The following HSD17B4 variants were observed in gnomAD, a reference collection of about 807,000 sequenced individuals.
HSD17B4 encodes hydroxysteroid 17-beta dehydrogenase 4.
A neutral mutation model predicts 101.0 loss-of-function variants in HSD17B4; 70 were observed. The ratio of observed to expected loss-of-function variants is 0.69; its 90% CI spans 0.57 to 0.85. The LOEUF (loss-of-function observed/expected upper bound fraction) is 0.85, where lower values mean the gene tolerates loss of function less well. Ranked by LOEUF, HSD17B4 falls within the 40% of genes least tolerant of loss-of-function variation. The probability of loss-of-function intolerance (pLI) is 0.00; values close to 1 mark genes in which losing one functional copy is unlikely to be tolerated. For missense variants in HSD17B4, 984 were observed against 892.4 expected (o/e 1.10, Z -1.31); for synonymous variants, 347 against 297.1 (o/e 1.17, Z -1.73).
In HSD17B4 at chr5:119,470,089, G is replaced by T. The variant is rs199672891; in HGVS notation, c.113-3819G>T. ...CTCTACTGCTAGATAGGTCATGGTTGCTTGAGGTGATAGATGCTGGCCAGG... is the reference window on the plus strand; with the variant it reads ...CTCTACTGCTAGATAGGTCATGGTTTCTTGAGGTGATAGATGCTGGCCAGG... On this transcript the variant is annotated intron_variant, in intron 2 of 23. Coordinates refer to ENST00000510025, the MANE Select transcript of HSD17B4 (RefSeq NM_000414.4). Among the ~76,000 whole-genome samples the T allele has an allele frequency of 2.0e-5, 3 of 152,196 alleles. No individual in the cohort carries two copies. In the East Asian group the frequency reaches 5.8e-4, roughly 29 times the overall value.
rs181355565 is a variant in HSD17B4, at chr5:119,523,392, T to C, written c.1504-1824T>C. ...GAAATGAAACGAAACAAGAAACTTT[T>C]AGCTTTCCTTCTGAAATATGCCATT... On this transcript the variant is annotated intron_variant, in intron 17 of 23. Coordinates refer to ENST00000510025, the MANE Select transcript of HSD17B4 (RefSeq NM_000414.4). Among the ~76,000 whole-genome samples the C allele has an allele frequency of 4.7e-4, 71 of 152,276 alleles. 1 individual carries two copies. The highest frequency in any genetic ancestry group is 1.6e-3 in the African/African-American group (65 of 41,578).
At chr5:119,461,300 C>T (rs780828337) in intron 2 of HSD17B4, among the ~76,000 whole-genome samples, 2 of 151,668 alleles carry the variant, frequency 1.3e-5, no homozygotes, top group Admixed American at 6.6e-5. Flanking sequence ...ACTAAATAGG[C>T]AAAACAATAA....
chr5:119,456,462 A>G, intron 2 of HSD17B4, 94 bp downstream of exon 2: 1 of 896,234 alleles, frequency 1.1e-6, no homozygotes, highest in Non-Finnish European at 1.9e-6. Flanking sequence ...TAATTTGTCA[A>G]GGTTGAATTT....
intron 2 of HSD17B4, among the ~76,000 whole-genome samples, chr5:119,468,079 G>T (rs569350905): frequency 1.3e-5 from 2 of 150,586 alleles, no homozygotes; most frequent in Admixed American, 1.3e-4. Context: ...ATTGTTTTCT[G>T]TTTTTTTTTG....
chr5:119,514,858 C>T (rs547881752), intron 16 of HSD17B4, 123 bp from the exon 17 acceptor site: 143 of 679,486 alleles, frequency 2.1e-4, no homozygotes, highest in Admixed American at 1.9e-3. Context: ...TTTTTTTAAA[C>T]CCTTTTATCC....
chr5:119,528,042 T>G lies in HSD17B4; in HGVS notation c.1767+823T>G, dbSNP rs1433902973. Among the ~76,000 whole-genome samples the G allele has an allele frequency of 1.2e-4, 18 of 152,196 alleles. 1 individual carries two copies. The highest frequency in any genetic ancestry group is 1.1e-3 in the Admixed American group (17 of 15,266). Reference sequence around the variant, plus strand: ...TCATTTCATGCTATATAGAGCATATTAAACAACTCCAATGATAATAGGAAC... The same window carrying G: ...TCATTTCATGCTATATAGAGCATATGAAACAACTCCAATGATAATAGGAAC... On this transcript the variant is annotated intron_variant, in intron 20 of 23. Coordinates refer to ENST00000510025, the MANE Select transcript of HSD17B4 (RefSeq NM_000414.4).
chr5:119,507,683 C>T (rs1487567650), intron 15 of HSD17B4, among the ~76,000 whole-genome samples: 1 of 151,208 alleles, frequency 6.6e-6, no homozygotes, highest in Non-Finnish European at 1.5e-5. Flanking sequence ...ACTTGGGAGG[C>T]TGAGGCAGGA....
Position 119,477,468 on chromosome 5 carries a change from C to T in HSD17B4, c.401C>T (p.Ala134Val), listed in dbSNP as rs766852679. The T allele has an allele frequency of 6.2e-7, 1 of 1,612,590 alleles. No individual in the cohort carries two copies. The highest frequency in any genetic ancestry group is 8.5e-7 in the Non-Finnish European group (1 of 1,178,832). Residue 134 changes from alanine to valine, a missense_variant, in exon 7 of 24, where the codon GCA becomes GTA. Physicochemically the swap from Ala to Val is moderately conservative, Grantham distance 64 (BLOSUM62 0). Coordinates refer to ENST00000510025, the MANE Select transcript of HSD17B4 (RefSeq NM_000414.4). ...GGTTCATTCCAAGTGACACGGGCAG[C>T]ATGGGAACACATGAAGAAACAGAAG... ...LRGSFQVTRAAWEHMKKQKYG... is the reference protein window; with the variant it reads ...LRGSFQVTRAVWEHMKKQKYG...
chr5:119,452,832 C>G, intron 1 of HSD17B4, 199 bp downstream of exon 1: 1 of 1,535,950 alleles, frequency 6.5e-7, no homozygotes, highest in Non-Finnish European at 8.7e-7. Context: ...GTACAGCCCG[C>G]TTCTCCCCAG....
intron 22 of HSD17B4, 151 bp from the exon 23 acceptor site, chr5:119,536,272 G>T (rs1754525910): frequency 2.8e-6 from 2 of 721,646 alleles, no homozygotes; most frequent in African/African-American, 1.8e-5. Flanking sequence ...CTAAATGACA[G>T]ATAATGTATA....
At chr5:119,521,679 T>C (rs1197462968) in intron 17 of HSD17B4, among the ~76,000 whole-genome samples, 1 of 151,984 alleles carries the variant, frequency 6.6e-6, no homozygotes, top group African/African-American at 2.4e-5. Flanking sequence ...CTTCATTTCT[T>C]ATATGATTTT....
rs942167454 is a variant in HSD17B4, at chr5:119,462,211, T to C, written c.112+5843T>C. 1.1e-4 allele frequency among the ~76,000 whole-genome samples: 16 copies of C among 151,474 alleles called. No homozygotes were observed. The East Asian group carries it at 2.5e-3, about 24-fold the overall frequency. ...AAAGCTATTTGAGTTGGGTGGTTGA[T>C]TTATCTTTTGCTTCATATCCTCCCC... On this transcript the variant is annotated intron_variant, in intron 2 of 23. Coordinates refer to ENST00000510025, the MANE Select transcript of HSD17B4 (RefSeq NM_000414.4).
intron 4 of HSD17B4, among the ~76,000 whole-genome samples, chr5:119,475,010 A>G (rs1445521889): frequency 6.6e-6 from 1 of 152,162 alleles, no homozygotes; most frequent in East Asian, 1.9e-4. Flanking sequence ...ACATCACGGA[A>G]CATAAGCCCA....
At chr5:119,536,058 G>A (rs61093477) in intron 22 of HSD17B4, 23,481 of 267,540 alleles carry the variant, frequency 0.088, 1,223 homozygotes, top group African/African-American at 0.17. Context: ...TAAGATGCCT[G>A]TAATGAATTC....
chr5:119,495,316 C>G (rs1002292008), intron 11 of HSD17B4, among the ~76,000 whole-genome samples: 5 of 152,172 alleles, frequency 3.3e-5, no homozygotes, highest in Non-Finnish European at 5.9e-5. Context: ...AAAAAGCTAT[C>G]TAATTGAATT....
chr5:119,534,315 T>C (rs1426342441), intron 22 of HSD17B4, among the ~76,000 whole-genome samples: 7 of 152,116 alleles, frequency 4.6e-5, no homozygotes. Flanking sequence ...AGGCACGTAC[T>C]ATAATTAGTT....
intron 13 of HSD17B4, among the ~76,000 whole-genome samples, chr5:119,499,829 G>C (rs1296190456): frequency 1.3e-5 from 2 of 152,072 alleles, no homozygotes; most frequent in Non-Finnish European, 2.9e-5. Flanking sequence ...CTTGATTCTT[G>C]ACCAAGGGTA....
intron 20 of HSD17B4, among the ~76,000 whole-genome samples, chr5:119,529,537 T>C (rs1367200550): frequency 6.6e-6 from 1 of 152,082 alleles, no homozygotes; most frequent in African/African-American, 2.4e-5. Flanking sequence ...TAAGAGTGCA[T>C]CCCCTGATCC....
chr5:119,531,602 T>G (rs1308784529), intron 22 of HSD17B4, among the ~76,000 whole-genome samples, 198 bp downstream of exon 22: 1 of 151,654 alleles, frequency 6.6e-6, no homozygotes, highest in Non-Finnish European at 1.5e-5. Context: ...TGTGTTTGTG[T>G]GTGTGTGTAA....
Sources: allele counts gnomAD v4.1 joint callset (sites outside exome capture counted in the v4.1 genomes callset), GRCh38; gene constraint gnomAD v4.1.1; transcripts MANE v1.5; gene names NCBI Gene and HGNC (gene_info 2026-07-23, HGNC 2026-07-21).